Variants in TRDN observed in about 807,000 individuals in gnomAD.
TRDN encodes triadin, also known as triadin in skeletal muscle.
TRDN carries 161 observed loss-of-function variants against 149.7 expected under a neutral mutation model. The observed-to-expected ratio is 1.08, with a 90% CI of 0.95 to 1.23. TRDN has a LOEUF of 1.23. Ranked by LOEUF, TRDN falls within the 50% of genes most tolerant of loss-of-function variation. The probability of loss-of-function intolerance (pLI) is 0.00; values close to 1 mark genes in which losing one functional copy is unlikely to be tolerated. For synonymous variants in TRDN, 294 were observed against 250.5 expected (o/e 1.17, Z -1.64); for missense variants, 896 against 823.5 (o/e 1.09, Z -1.08).
At chr6:123,303,076 C>T (rs746321338) in intron 24 of TRDN, among the ~76,000 whole-genome samples, 2 of 151,896 alleles carry the variant, frequency 1.3e-5, no homozygotes, top group African/African-American at 2.4e-5. Context: ...GTCAGTAATT[C>T]CATTTTAAAG....
chr6:123,322,770 A>T (rs1225239309), intron 23 of TRDN, among the ~76,000 whole-genome samples: 1 of 151,796 alleles, frequency 6.6e-6, no homozygotes, highest in East Asian at 1.9e-4. Context: ...CCTCCCCAGC[A>T]GCTGGGACTA....
intron 5 of TRDN, among the ~76,000 whole-genome samples, chr6:123,526,672 A>G (rs1779967610): frequency 6.6e-6 from 1 of 152,098 alleles, no homozygotes; most frequent in African/African-American, 2.4e-5. Flanking sequence ...TATTTCATCC[A>G]TAGTAGATAA....
intron 4 of TRDN, among the ~76,000 whole-genome samples, chr6:123,540,373 C>T (rs1562374721): frequency 6.6e-6 from 1 of 150,848 alleles, no homozygotes; most frequent in African/African-American, 2.4e-5. Context: ...GAGACTGAAA[C>T]AAATGAAACA....
At chr6:123,472,531 T>G (rs948028323) in intron 9 of TRDN, among the ~76,000 whole-genome samples, 3 of 152,156 alleles carry the variant, frequency 2.0e-5, no homozygotes, top group Non-Finnish European at 4.4e-5. Context: ...GCCCAGGCTT[T>G]CTTAGGAAAA....
chr6:123,261,798 TCCAAC>T (rs1247804739), intron 33 of TRDN, among the ~76,000 whole-genome samples: 1 of 151,914 alleles, frequency 6.6e-6, no homozygotes, highest in Non-Finnish European at 1.5e-5. Context: ...AGTTTTGACT[TCCAAC>T]CCTTAATTTT....
intron 9 of TRDN, chr6:123,489,704 G>A (rs1292554367): frequency 6.6e-5 from 10 of 151,598 alleles, no homozygotes; most frequent in East Asian, 1.9e-4. Context: ...CTCATCAATC[G>A]TTCCTAACAA....
At chr6:123,532,563 T>A (rs1267000734) in intron 4 of TRDN, among the ~76,000 whole-genome samples, 1 of 151,962 alleles carries the variant, frequency 6.6e-6, no homozygotes, top group Non-Finnish European at 1.5e-5. Context: ...TTGCCTGTGA[T>A]CCTCCCTTCC....
At chr6:123,306,361 CTGTAAAATGATTGA>C (rs879295122) in intron 24 of TRDN, among the ~76,000 whole-genome samples, 11 of 152,036 alleles carry the variant, frequency 7.2e-5, no homozygotes, top group Admixed American at 2.6e-4. Context: ...TTAAGCCTAA[CTGTAAAATGATTGA>C]TTAGTGATGC....
At chr6:123,473,747 C>A (rs914401402) in intron 9 of TRDN, among the ~76,000 whole-genome samples, 1 of 151,806 alleles carries the variant, frequency 6.6e-6, no homozygotes, top group Non-Finnish European at 1.5e-5. Flanking sequence ...GCGGATCTCT[C>A]GGCAGAAACC....
intron 19 of TRDN, among the ~76,000 whole-genome samples, chr6:123,369,035 G>A (rs1232416624): frequency 6.6e-6 from 1 of 152,116 alleles, no homozygotes; most frequent in African/African-American, 2.4e-5. Context: ...TCTAGAGGCT[G>A]GAAGTCCAAA....
intron 9 of TRDN, among the ~76,000 whole-genome samples, chr6:123,485,256 G>T (rs1777924187): frequency 1.3e-5 from 2 of 152,068 alleles, no homozygotes; most frequent in Admixed American, 1.3e-4. Flanking sequence ...TGTTAATTCT[G>T]AGCTTCTGTC....
At chr6:123,366,840 C>T (rs1176232014) in intron 19 of TRDN, among the ~76,000 whole-genome samples, 1 of 152,132 alleles carries the variant, frequency 6.6e-6, no homozygotes, top group Non-Finnish European at 1.5e-5. Flanking sequence ...TTTTAAGTTA[C>T]ATATGAATTA....
intron 12 of TRDN, among the ~76,000 whole-genome samples, chr6:123,415,380 CCTTGACAAGATCGCT>C (rs1188879755): frequency 2.0e-5 from 3 of 152,112 alleles, no homozygotes; most frequent in African/African-American, 7.2e-5. Context: ...TCTCATTTAA[CCTTGACAAGATCGCT>C]GTAACGTTAG....
chr6:123,293,607 C>T (rs1187868394), intron 24 of TRDN, among the ~76,000 whole-genome samples: 1 of 152,066 alleles, frequency 6.6e-6, no homozygotes, highest in African/African-American at 2.4e-5. Flanking sequence ...CTGCCACCCC[C>T]ATTGGAACAG....
intron 12 of TRDN, chr6:123,437,301 T>C: frequency 7.3e-6 from 2 of 274,628 alleles, no homozygotes; most frequent in East Asian, 8.6e-5. Flanking sequence ...GCTCCTAATC[T>C]CCCTTTTCTT....
intron 24 of TRDN, among the ~76,000 whole-genome samples, chr6:123,285,514 C>T (rs565380708): frequency 3.5e-4 from 53 of 152,198 alleles, no homozygotes; most frequent in African/African-American, 1.3e-3. Context: ...ATCCTCATTT[C>T]TTACCTTATA....
At chr6:123,403,220 A>T (rs1290672591) in intron 12 of TRDN, among the ~76,000 whole-genome samples, 1 of 152,192 alleles carries the variant, frequency 6.6e-6, no homozygotes, top group Non-Finnish European at 1.5e-5. Flanking sequence ...ATGAGGCAAT[A>T]AAGTTCAGGG....
intron 1 of TRDN, among the ~76,000 whole-genome samples, chr6:123,587,776 C>T (rs1291890318): frequency 6.7e-6 from 1 of 149,146 alleles, no homozygotes; most frequent in Admixed American, 6.7e-5. Context: ...GGGGGTTGTT[C>T]TCTGGCAGGC....
At chr6:123,226,869 G>A (rs183839476) in intron 38 of TRDN, among the ~76,000 whole-genome samples, 4 of 151,754 alleles carry the variant, frequency 2.6e-5, no homozygotes, top group East Asian at 1.9e-4. Flanking sequence ...CTGCTTTGTC[G>A]GACTGTCAGG....
Sources: allele counts gnomAD v4.1 joint callset (sites outside exome capture counted in the v4.1 genomes callset), GRCh38; gene constraint gnomAD v4.1.1; transcripts MANE v1.5; gene names NCBI Gene and HGNC (gene_info 2026-07-23, HGNC 2026-07-21).